The following GSK3B variants were observed in gnomAD, a reference collection of about 807,000 sequenced individuals.
GSK3B encodes the protein glycogen synthase kinase-3 beta.
A neutral mutation model predicts 56.4 loss-of-function variants in GSK3B; 15 were observed. That is an observed-to-expected ratio of 0.27 (90% CI 0.18 to 0.41). The LOEUF is 0.41. Ranked by LOEUF, GSK3B falls within the 10% of genes least tolerant of loss-of-function variation. The pLI, the probability that GSK3B is intolerant of heterozygous loss-of-function variation, is 1.00. For missense variants in GSK3B, 300 were observed against 513.4 expected (o/e 0.58, Z 4.02); for synonymous variants, 181 against 188.9 (o/e 0.96, Z 0.34).
At chr3:120,047,103 C>A in intron 1 of GSK3B, among the ~76,000 whole-genome samples, 1 of 152,102 alleles carries the variant, frequency 6.6e-6, no homozygotes, top group East Asian at 1.9e-4. Flanking sequence ...AGCACAGACT[C>A]CTTTATTTAT....
At chr3:120,085,431 C>G (rs758917147) in intron 1 of GSK3B, among the ~76,000 whole-genome samples, 1 of 152,186 alleles carries the variant, frequency 6.6e-6, no homozygotes, top group Non-Finnish European at 1.5e-5. Flanking sequence ...TCCAACTCTT[C>G]AGGTGCTCAC....
Position 119,885,153 on chromosome 3 carries a change from T to C in GSK3B, c.814-8645A>G, listed in dbSNP as rs569531794. Reference sequence around the variant, plus strand: ...ATAAATGCCTTCAGTAGTTTCAGGATAAAAAATCAACAAATGAATAAGTAG... The same window carrying C: ...ATAAATGCCTTCAGTAGTTTCAGGACAAAAAATCAACAAATGAATAAGTAG... On this transcript the variant is annotated intron_variant, in intron 7 of 10. Transcript: ENST00000264235. Among the ~76,000 whole-genome samples, 8 of 151,984 alleles carry C rather than the reference T, an allele frequency of 5.3e-5. No homozygotes were observed. In the South Asian group the frequency reaches 1.4e-3, roughly 28 times the overall value.
At chr3:119,868,756 C>T (rs955868827) in intron 8 of GSK3B, among the ~76,000 whole-genome samples, 1 of 152,168 alleles carries the variant, frequency 6.6e-6, no homozygotes, top group Admixed American at 6.6e-5. Flanking sequence ...CAACACTCAT[C>T]CTATATCCTG....
At chr3:119,834,423 T>A (rs1408920449) in intron 10 of GSK3B, among the ~76,000 whole-genome samples, 2 of 152,194 alleles carry the variant, frequency 1.3e-5, no homozygotes, top group African/African-American at 4.8e-5. Flanking sequence ...CTTCAGTGAT[T>A]ATAAAAATAG....
At chr3:119,912,894 A>T (rs1481405956) in intron 5 of GSK3B, 84 bp from the exon 6 acceptor site, 4 of 557,428 alleles carry the variant, frequency 7.2e-6, no homozygotes, top group Admixed American at 2.9e-5. Flanking sequence ...CTTTCACAGT[A>T]TCAAATGATT....
At chr3:120,017,747 C>T (rs1154595) in intron 1 of GSK3B, among the ~76,000 whole-genome samples, 79,835 of 152,050 alleles carry the variant, frequency 0.53, 24,290 homozygotes, top group African/African-American at 0.85. Flanking sequence ...ACAACTAATA[C>T]CCAATCCATG....
intron 2 of GSK3B, among the ~76,000 whole-genome samples, chr3:119,987,317 A>T (rs112301177): frequency 6.6e-6 from 1 of 152,178 alleles, no homozygotes; most frequent in African/African-American, 2.4e-5. Flanking sequence ...CCTAGAACTT[A>T]AAGTATAATA....
chr3:120,054,408 T>C (rs1352879958), intron 1 of GSK3B, among the ~76,000 whole-genome samples: 7 of 152,202 alleles, frequency 4.6e-5, no homozygotes, highest in Admixed American at 6.5e-5. Flanking sequence ...CCCAGTTTAG[T>C]TGCTTTTTCC....
At chr3:120,021,948 C>T (rs984576173) in intron 1 of GSK3B, among the ~76,000 whole-genome samples, 1 of 152,146 alleles carries the variant, frequency 6.6e-6, no homozygotes, top group African/African-American at 2.4e-5. Flanking sequence ...GTAGTCCCAG[C>T]TAATCAGGAG....
rs1291205185 is a variant in GSK3B at position 119,889,482 on chromosome 3, C to T, written c.814-12974G>A. Among the ~76,000 whole-genome samples, 4 of 152,076 alleles carry T rather than the reference C, an allele frequency of 2.6e-5. No individual in the cohort carries two copies. The South Asian group carries it at 6.2e-4, about 24-fold the overall frequency. Reference sequence around the variant, plus strand: ...GTTTTCTATATGACATGGTACATTACTACTTGAAGACTGACTGTAATATAT... The same window carrying T: ...GTTTTCTATATGACATGGTACATTATTACTTGAAGACTGACTGTAATATAT... On this transcript the variant is annotated intron_variant, in intron 7 of 10. Coordinates refer to ENST00000264235, the MANE Select transcript of GSK3B (RefSeq NM_001146156.2).
chr3:119,994,440 A>C (rs2057596036), intron 2 of GSK3B, among the ~76,000 whole-genome samples: 1 of 152,202 alleles, frequency 6.6e-6, no homozygotes, highest in South Asian at 2.1e-4. Context: ...CTAGTTGGTA[A>C]AAGCTGGATG....
At chr3:119,859,741 T>C (rs2056074029) in intron 9 of GSK3B, among the ~76,000 whole-genome samples, 1 of 152,184 alleles carries the variant, frequency 6.6e-6, no homozygotes, top group Non-Finnish European at 1.5e-5. Flanking sequence ...TCACCTGCTT[T>C]TCTCGTGTCC....
At chr3:120,085,866 T>C (rs969074059) in intron 1 of GSK3B, among the ~76,000 whole-genome samples, 5 of 152,082 alleles carry the variant, frequency 3.3e-5, no homozygotes, top group Admixed American at 3.3e-4. Flanking sequence ...CAGTGTTGCA[T>C]TTAAATAAGA....
chr3:120,010,298 A>G (rs548825786), intron 1 of GSK3B, among the ~76,000 whole-genome samples: 3 of 152,298 alleles, frequency 2.0e-5, no homozygotes, highest in African/African-American at 7.2e-5. Flanking sequence ...CAAGCTGACT[A>G]TAAACCTTAT....
intron 1 of GSK3B, among the ~76,000 whole-genome samples, chr3:120,021,288 G>A (rs1032980572): frequency 2.7e-5 from 4 of 150,862 alleles, no homozygotes; most frequent in African/African-American, 9.8e-5. Flanking sequence ...GGTGGATCAC[G>A]AGATCAGGAG....
chr3:120,034,777 G>C (rs945865005), intron 1 of GSK3B, among the ~76,000 whole-genome samples: 1 of 152,130 alleles, frequency 6.6e-6, no homozygotes. Flanking sequence ...TTTAGAAACA[G>C]GGTCTTCACA....
At chr3:119,847,776 T>C (rs2055875169) in intron 9 of GSK3B, among the ~76,000 whole-genome samples, 1 of 152,232 alleles carries the variant, frequency 6.6e-6, no homozygotes, top group Non-Finnish European at 1.5e-5. Context: ...TGTCAATATT[T>C]GACTACAGGA....
At position 119,917,699 on chromosome 3, in the gene GSK3B, G is replaced by T. The variant is rs72967189; in HGVS notation, c.478-1525C>A. On this transcript the variant is annotated intron_variant, in intron 4 of 10. Coordinates refer to ENST00000264235, the MANE Select transcript of GSK3B (RefSeq NM_001146156.2). ...AAAAAAAAAGCTTAATCGTTTAAAT[G>T]AGGTTAATTTTAAGATGTCTTTTTA... Among the ~76,000 whole-genome samples the T allele has an allele frequency of 9.6e-3, 1,429 of 148,762 alleles. 21 individuals are homozygous for T. Among genetic ancestry groups the T allele is most frequent in the African/African-American group, 0.034 (1,363 of 40,428 alleles).
chr3:119,858,476 T>C lies in GSK3B; in HGVS notation c.1096+4943A>G, dbSNP rs74594436. On this transcript the variant is annotated intron_variant, in intron 9 of 10. Coordinates refer to ENST00000264235, the MANE Select transcript of GSK3B (RefSeq NM_001146156.2). ...GCCTCATGAACCAACCTCTGCTAGC[T>C]ACAAACTTTTCCTTGTAGCTTCCTC... 6.2e-3 allele frequency among the ~76,000 whole-genome samples: 950 copies of C among 152,358 alleles called. 51 individuals carry two copies. In the East Asian group the frequency reaches 0.13, roughly 21 times the overall value.
Sources: gnomAD v4.1 joint callset for allele counts (sites outside exome capture counted in the v4.1 genomes callset) on GRCh38, gnomAD v4.1.1 for gene constraint, MANE v1.5 for transcripts, NCBI Gene and HGNC (gene_info 2026-07-23, HGNC 2026-07-21) for gene names.